The following RNF38 variants were observed in gnomAD, a reference collection of about 807,000 sequenced individuals.
RNF38 encodes E3 ubiquitin-protein ligase RNF38.
Under a neutral mutation model 67.2 loss-of-function variants are expected in RNF38, and 15 were observed. That is an observed-to-expected ratio of 0.22 (90% CI 0.15 to 0.34). The LOEUF is 0.34. RNF38 is among the 10% of genes least tolerant of loss of function. The probability of loss-of-function intolerance (pLI) is 1.00; values close to 1 mark genes in which losing one functional copy is unlikely to be tolerated. For missense variants in RNF38, 524 were observed against 639.9 expected (o/e 0.82, Z 1.95); for synonymous variants, 220 against 218.8 (o/e 1.01, Z -0.05).
At chr9:36,459,013 T>A (rs200017235) in intron 1 of RNF38, among the ~76,000 whole-genome samples, 11 of 151,908 alleles carry the variant, frequency 7.2e-5, no homozygotes, top group Non-Finnish European at 1.5e-4. Context: ...ATTGAGACCA[T>A]CCTGGCCAAC....
At chr9:36,400,902 CCGCCCCGCCG>C (rs1268154856), upstream of RNF38, 7,898 of 932,620 alleles carry the variant, frequency 8.5e-3, 23 homozygotes, top group Non-Finnish European at 9.1e-3. Context: ...ACGCCCCTCC[CCGCCCCGCCG>C]CGCCCCGCCG....
At chr9:36,378,502 G>A (rs1245255534) in intron 2 of RNF38, among the ~76,000 whole-genome samples, 1 of 152,080 alleles carries the variant, frequency 6.6e-6, no homozygotes, top group East Asian at 1.9e-4. Flanking sequence ...AAAACAAAAT[G>A]CTAGTAACGA....
intron 4 of RNF38, among the ~76,000 whole-genome samples, chr9:36,365,321 C>T (rs1364405209): frequency 6.6e-6 from 1 of 152,112 alleles, no homozygotes; most frequent in African/African-American, 2.4e-5. Context: ...AATCCCAGCA[C>T]TTTGGGAGGC....
chr9:36,416,612 C>A (rs1168528759), intron 2 of RNF38, among the ~76,000 whole-genome samples: 2 of 152,128 alleles, frequency 1.3e-5, no homozygotes, highest in Non-Finnish European at 2.9e-5. Flanking sequence ...TGTAAGTTTT[C>A]TTCTCCCTGT....
chr9:36,377,096 A>G, intron 2 of RNF38, among the ~76,000 whole-genome samples: 1 of 152,230 alleles, frequency 6.6e-6, no homozygotes. Context: ...CAAAACTGAT[A>G]TGGATCACTT....
exon 1 of RNF38, chr9:36,487,412 G>A (rs999548995): frequency 1.3e-5 from 13 of 981,388 alleles, no homozygotes; most frequent in Middle Eastern, 5.2e-4. Flanking sequence ...CTCCGGCCGG[G>A]GCGGCGGCGG....
intron 2 of RNF38, among the ~76,000 whole-genome samples, chr9:36,387,671 A>C (rs1462140350): frequency 2.6e-5 from 4 of 152,198 alleles, no homozygotes; most frequent in African/African-American, 9.6e-5. Flanking sequence ...AATGTTTAAA[A>C]TATTGTATGA....
At position 36,417,629 on chromosome 9, in the gene RNF38, A is replaced by G. The variant is rs541520538; in HGVS notation, n.312+6984T>C. Among the ~76,000 whole-genome samples, 2 of 152,186 alleles carry G rather than the reference A, an allele frequency of 1.3e-5. 1 individual carries two copies. Among genetic ancestry groups the G allele is most frequent in the South Asian group, 4.2e-4 (2 of 4,818 alleles). On this transcript the variant is annotated intron_variant and non_coding_transcript_variant, in intron 2 of 3. Coordinates refer to the RNF38 transcript ENST00000488058. ...GGGTTCAAGAGATTCTCCTGCCTCA[A>G]CCTTCCGAGTAGCTGGGATTACAGG...
At chr9:36,373,134 G>A (rs1321413068) in intron 3 of RNF38, among the ~76,000 whole-genome samples, 1 of 152,172 alleles carries the variant, frequency 6.6e-6, no homozygotes, top group Non-Finnish European at 1.5e-5. Flanking sequence ...TTGAATGTGG[G>A]AGGTGGAGGT....
At chr9:36,405,904 G>A (rs1219136215), upstream of RNF38, among the ~76,000 whole-genome samples, 1 of 152,128 alleles carries the variant, frequency 6.6e-6, no homozygotes, top group Non-Finnish European at 1.5e-5. Context: ...CTGTCAAATG[G>A]TAAATATACA....
Position 36,369,893 on chromosome 9 carries a change from C to G in RNF38, c.396G>C (p.Leu132=). 1 of 1,613,358 alleles carries G rather than the reference C, an allele frequency of 6.2e-7. No individual in the cohort carries two copies. ...CTTGACTAATGGAATTATGTCGAGA[C>G]AGACGATCCCTTCTTCCTCTCTGGC... ...VRRQRGRRDR[L]SRHNSISQDE... The change falls in exon 4 of 12, where the codon CTG becomes CTC. Residue 132 remains leucine (L), a synonymous_variant. Transcript: ENST00000259605.
intron 1 of RNF38, among the ~76,000 whole-genome samples, chr9:36,448,907 T>A (rs1020945164): frequency 6.6e-6 from 1 of 152,034 alleles, no homozygotes; most frequent in Non-Finnish European, 1.5e-5. Context: ...GGCAAGGGAA[T>A]TGCTTGAACC....
intron 1 of RNF38, among the ~76,000 whole-genome samples, chr9:36,452,680 G>A (rs1287528598): frequency 1.3e-5 from 2 of 151,926 alleles, no homozygotes; most frequent in Non-Finnish European, 2.9e-5. Context: ...CTATAGGTGT[G>A]CGCCACCATG....
rs186343882 is a variant in RNF38 at position 36,431,942 on chromosome 9, G to A, written n.242-7259C>T. Among the ~76,000 whole-genome samples, 116 of 152,112 alleles carry A rather than the reference G, an allele frequency of 7.6e-4. 1 individual carries two copies. Among genetic ancestry groups the A allele is most frequent in the Non-Finnish European group, 1.3e-3 (87 of 68,000 alleles). On this transcript the variant is annotated intron_variant and non_coding_transcript_variant, in intron 1 of 3. Coordinates refer to the RNF38 transcript ENST00000488058. ...AAAGGAGCTAATTACAAATTAAGAC[G>A]CTTCTCTCACCCCAATCACTCAGGA... is the stretch of plus-strand genomic sequence containing the variant.
intron 2 of RNF38, among the ~76,000 whole-genome samples, chr9:36,387,578 C>CTCCACAT: frequency 6.6e-6 from 1 of 152,272 alleles, no homozygotes; most frequent in Middle Eastern, 3.4e-3. Context: ...GTGGTGGTGA[C>CTCCACAT]TCCACATCTG....
intron 4 of RNF38, among the ~76,000 whole-genome samples, chr9:36,368,080 T>C (rs1835111101): frequency 6.6e-6 from 1 of 152,194 alleles, no homozygotes; most frequent in African/African-American, 2.4e-5. Context: ...CTCAAACTCC[T>C]GGGCCTCAGG....
chr9:36,382,647 C>T (rs1836298423), intron 2 of RNF38, among the ~76,000 whole-genome samples: 1 of 152,200 alleles, frequency 6.6e-6, no homozygotes, highest in Non-Finnish European at 1.5e-5. Flanking sequence ...GTGACTACAA[C>T]ATGCCTCTAA....
At chr9:36,450,146 G>A (rs1244287767) in intron 1 of RNF38, among the ~76,000 whole-genome samples, 1 of 151,884 alleles carries the variant, frequency 6.6e-6, no homozygotes, top group Non-Finnish European at 1.5e-5. Flanking sequence ...CTAACTCTTC[G>A]AAACCCAATT....
intron 1 of RNF38, among the ~76,000 whole-genome samples, chr9:36,393,999 G>A (rs1402350479): frequency 2.6e-5 from 4 of 152,182 alleles, no homozygotes; most frequent in Admixed American, 6.5e-5. Flanking sequence ...GCTCTGGGCC[G>A]GGTACAGTGG....
Sources: allele counts gnomAD v4.1 joint callset (sites outside exome capture counted in the v4.1 genomes callset), GRCh38; gene constraint gnomAD v4.1.1; transcripts MANE v1.5; gene names NCBI Gene and HGNC (gene_info 2026-07-23, HGNC 2026-07-21).